Variants in VPS13D observed in about 807,000 individuals in gnomAD.
The protein encoded by VPS13D is intermembrane lipid transfer protein VPS13D.
A neutral mutation model predicts 461.9 loss-of-function variants in VPS13D; 187 were observed. The ratio of observed to expected loss-of-function variants is 0.40; its 90% CI spans 0.36 to 0.46. VPS13D has a LOEUF of 0.46. VPS13D is among the 20% of genes least tolerant of loss of function. The probability of loss-of-function intolerance (pLI) is 0.60; values close to 1 mark genes in which losing one functional copy is unlikely to be tolerated. For missense variants in VPS13D, 4,711 were observed against 5,364.9 expected (o/e 0.88, Z 3.81); for synonymous variants, 1,951 against 1,986.3 (o/e 0.98, Z 0.47).
At chr1:12,295,079 G>A (rs927543906) in intron 24 of VPS13D, among the ~76,000 whole-genome samples, 2 of 134,844 alleles carry the variant, frequency 1.5e-5, no homozygotes, top group African/African-American at 7.3e-5. Flanking sequence ...GAAATTAGCC[G>A]GGTGTGGTGA....
chr1:12,393,376 G>A (rs908139514), intron 60 of VPS13D, among the ~76,000 whole-genome samples: 1 of 152,330 alleles, frequency 6.6e-6, no homozygotes, highest in South Asian at 2.1e-4. Flanking sequence ...GCCAGCTGAA[G>A]GCAAATTGCT....
chr1:12,330,030 C>A, intron 37 of VPS13D, 112 bp downstream of exon 37: 1 of 358,638 alleles, frequency 2.8e-6, no homozygotes, highest in Non-Finnish European at 5.5e-6. Context: ...TGGGGTGGGA[C>A]GGGGAAAGAT....
chr1:12,504,475 G>C (rs1267095667), intron 68 of VPS13D, among the ~76,000 whole-genome samples: 2 of 152,234 alleles, frequency 1.3e-5, no homozygotes, highest in African/African-American at 4.8e-5. Flanking sequence ...CGTGTGGAGT[G>C]ACAGCACTGC....
In VPS13D at chr1:12,277,399, A is replaced by G. The variant is rs987466799; in HGVS notation, c.3811A>G (p.Ser1271Gly). 1 of 1,614,194 alleles carries G rather than the reference A, an allele frequency of 6.2e-7. No individual in the cohort carries two copies. Among genetic ancestry groups the G allele is most frequent in the Non-Finnish European group, 8.5e-7 (1 of 1,180,038 alleles). The stretch of plus-strand genomic sequence containing the variant: ...AGATGCAGCCCTCACTGAAGCTTTG[A>G]GTTTCACGTTTGTTGAGAGATCTAA... Reference protein sequence around the residue: ...MEDAALTEALSFTFVERSKQE... With the variant: ...MEDAALTEALGFTFVERSKQE... The change falls in exon 19 of 70, where the codon AGT (serine) becomes GGT (glycine). Residue 1271 changes from serine (S) to glycine (G), a missense_variant. Ser to Gly is a moderately conservative substitution (Grantham distance 56). Transcript: ENST00000620676.
At position 12,403,956 on chromosome 1, in the gene VPS13D, C is replaced by G; in HGVS notation, c.12013C>G (p.Leu4005Val). 6.2e-7 allele frequency: 1 copy of G among 1,600,786 alleles called. No individual in the cohort carries two copies. The highest frequency in any genetic ancestry group is 8.5e-7 in the Non-Finnish European group (1 of 1,176,506). ...GCTAAGTGTGTTCACCTCCAACAAGCTCCCATTGGATCTTAAGGTGAGCTG... is the reference window on the plus strand; with the variant it reads ...GCTAAGTGTGTTCACCTCCAACAAGGTCCCATTGGATCTTAAGGTGAGCTG... Reference protein sequence around the residue: ...IKLSVFTSNKLPLDLKALKST... With the variant: ...IKLSVFTSNKVPLDLKALKST... The change falls in exon 63 of 70, where the codon CTC becomes GTC. Residue 4005 changes from leucine to valine, a missense_variant. Leu to Val is a conservative substitution (Grantham distance 32, BLOSUM62 1). This residue lies in a region of VPS13D where 4,411 missense variants were observed against 4,937.8 expected (regional missense o/e 0.89). Coordinates refer to ENST00000620676, the MANE Select transcript of VPS13D (RefSeq NM_015378.4).
Position 12,382,976 on chromosome 1 carries a change from G to A in VPS13D, c.11191G>A (p.Ala3731Thr), listed in dbSNP as rs1336282648. 1 of 1,612,770 alleles carries A rather than the reference G, an allele frequency of 6.2e-7. No individual in the cohort carries two copies. The highest frequency in any genetic ancestry group is 1.1e-5 in the South Asian group (1 of 90,812). Residue 3731 changes from alanine (A) to threonine (T), a missense_variant and splice_region_variant, in exon 58 of 70, where the codon GCC becomes ACC. Ala to Thr is a moderately conservative substitution (Grantham distance 58, BLOSUM62 0). Around this residue, in one of 3 missense-constraint regions of VPS13D, gnomAD observed 4,411 missense variants for 4,937.8 expected, o/e 0.89. Coordinates refer to ENST00000620676, the MANE Select transcript of VPS13D (RefSeq NM_015378.4). ...ATGTCTCTACTCCAATGTCTTTTAG[G>A]CCAAAGGAGGACTTTCTGGTTTGTT... Reference protein sequence around the residue: ...TCGLHGLVVQAKGGLSGLFDG... With the variant: ...TCGLHGLVVQTKGGLSGLFDG...
At position 12,267,698 on chromosome 1, in the gene VPS13D, A is replaced by G. The variant is rs899689995; in HGVS notation, c.1726-147A>G. Reference sequence around the variant, plus strand: ...TTGGAAAAAGGGCAGAAAACGAAACAATTCTGCAAGTAGTCAATCTGAGGT... The same window carrying G: ...TTGGAAAAAGGGCAGAAAACGAAACGATTCTGCAAGTAGTCAATCTGAGGT... On this transcript the variant is annotated intron_variant, in intron 14 of 69. Transcript: ENST00000620676. 4.1e-6 allele frequency: 3 copies of G among 736,368 alleles called. No individual in the cohort carries two copies. In the African/African-American group the frequency reaches 5.4e-5, roughly 13 times the overall value. 45.6% of individuals were successfully genotyped at this position (736,368 alleles called of 1,614,324 possible).
intron 67 of VPS13D, among the ~76,000 whole-genome samples, chr1:12,477,577 C>T (rs1645649174): frequency 6.6e-6 from 1 of 152,174 alleles, no homozygotes; most frequent in Non-Finnish European, 1.5e-5. Context: ...AAAATGAAGT[C>T]CTGCCCATGT....
intron 13 of VPS13D, among the ~76,000 whole-genome samples, chr1:12,263,345 A>G (rs1022180484): frequency 5.3e-5 from 8 of 152,168 alleles, no homozygotes; most frequent in African/African-American, 1.9e-4. Context: ...GAGCGTTGCC[A>G]TGTTTGAACT....
chr1:12,350,580 A>G (rs1367898590), intron 46 of VPS13D, among the ~76,000 whole-genome samples: 1 of 152,198 alleles, frequency 6.6e-6, no homozygotes, highest in Non-Finnish European at 1.5e-5. Context: ...AATGGGGAAG[A>G]TCTTTGGTTA....
chr1:12,328,684 G>A (rs548831734), intron 36 of VPS13D, among the ~76,000 whole-genome samples: 43 of 152,258 alleles, frequency 2.8e-4, no homozygotes, highest in African/African-American at 1.0e-3. Context: ...GGGATTACAG[G>A]CATGTGCCAC....
At chr1:12,287,603 C>G (rs188397177) in intron 21 of VPS13D, among the ~76,000 whole-genome samples, 110 of 152,284 alleles carry the variant, frequency 7.2e-4, no homozygotes, top group African/African-American at 2.6e-3. Flanking sequence ...GGAACTGACT[C>G]AACAAATCCT....
chr1:12,397,487 C>G (rs529252607), intron 60 of VPS13D, among the ~76,000 whole-genome samples: 2 of 152,248 alleles, frequency 1.3e-5, no homozygotes, highest in South Asian at 4.1e-4. Context: ...ACAATATGGT[C>G]GAGCCCTTTA....
Position 12,497,639 on chromosome 1 carries a change from A to G in VPS13D, c.12794+8A>G. ...CAACATACAGGACGAATTGTAAGTT[A>G]GAGCATGGGAAACCAGCCCTGTGGG... On this transcript the variant is annotated splice_region_variant and intron_variant, in intron 68 of 69. Transcript: ENST00000620676. 2.5e-6 allele frequency: 4 copies of G among 1,610,172 alleles called. No homozygotes were observed. The highest frequency in any genetic ancestry group is 3.4e-6 in the Non-Finnish European group (4 of 1,178,530).
At position 12,369,472 on chromosome 1, in the gene VPS13D, G is replaced by A. The variant is rs554989855; in HGVS notation, c.10578G>A (p.Pro3526=). The A allele has an allele frequency of 1.5e-5, 24 of 1,614,020 alleles. No individual in the cohort carries two copies. Among genetic ancestry groups the A allele is most frequent in the Middle Eastern group, 1.6e-4 (1 of 6,062 alleles). ...PFRIDNFSKV[P]VVFTQHGVAE... ...CCTCTCTGCCATCACTCTAGGTCCC[G>A]GTTGTCTTTACTCAGCATGGCGTAG... Residue 3526 remains proline, a synonymous_variant, in exon 54 of 70, where the codon CCG becomes CCA. Transcript: ENST00000620676.
intron 60 of VPS13D, among the ~76,000 whole-genome samples, chr1:12,392,424 A>C (rs1644438989): frequency 6.6e-6 from 1 of 151,442 alleles, no homozygotes; most frequent in Non-Finnish European, 1.5e-5. Flanking sequence ...GGTTGCAGTG[A>C]GCCGAGACCA....
At chr1:12,464,571 A>AC (rs963497009) in intron 67 of VPS13D, among the ~76,000 whole-genome samples, 18 of 151,504 alleles carry the variant, frequency 1.2e-4, no homozygotes, top group Admixed American at 4.6e-4. Context: ...TTTATAGGGA[A>AC]CCCCCCCTCC....
At chr1:12,234,418 A>AT (rs772517590) in intron 2 of VPS13D, 55 bp downstream of exon 2, 446 of 1,456,720 alleles carry the variant, frequency 3.1e-4, no homozygotes, top group Non-Finnish European at 3.6e-4. Context: ...CTATTTTTGT[A>AT]TTTTTTTTGT....
At chr1:12,385,170 G>C (rs1170141071) in intron 58 of VPS13D, 90 bp from the exon 59 acceptor site, 9 of 964,620 alleles carry the variant, frequency 9.3e-6, no homozygotes, top group Non-Finnish European at 1.3e-5. Flanking sequence ...ATTATATAAT[G>C]ACTTTTGACC....
Sources: gnomAD v4.1 joint callset for allele counts (sites outside exome capture counted in the v4.1 genomes callset) on GRCh38, gnomAD v4.1.1 for gene constraint, gnomAD v4.1.1 regional missense constraint, MANE v1.5 for transcripts, NCBI Gene and HGNC (gene_info 2026-07-23, HGNC 2026-07-21) for gene names.